The following FRY variants were observed in gnomAD, a reference collection of about 807,000 sequenced individuals.
FRY encodes the protein FRY microtubule binding protein.
FRY carries 128 observed loss-of-function variants against 348.4 expected under a neutral mutation model. The ratio of observed to expected loss-of-function variants is 0.37; its 90% CI spans 0.32 to 0.43. The LOEUF (loss-of-function observed/expected upper bound fraction) is 0.43, where lower values mean the gene tolerates loss of function less well. Among genes scored for constraint, FRY ranks in the 20% least tolerant of loss-of-function variants. The probability of loss-of-function intolerance (pLI) is 1.00; values close to 1 mark genes in which losing one functional copy is unlikely to be tolerated. For synonymous variants in FRY, 1,370 were observed against 1,374.7 expected, an observed-to-expected ratio of 1.00 and a Z score of 0.08; for missense variants, 2,736 against 3,695.2, an observed-to-expected ratio of 0.74 and a Z score of 6.73.
chr13:32,106,859 A>T (rs1877583679), intron 3 of FRY, among the ~76,000 whole-genome samples: 1 of 152,220 alleles, frequency 6.6e-6, no homozygotes, highest in South Asian at 2.1e-4. Flanking sequence ...CCCAAAGTAG[A>T]ACTATTTACA....
At chr13:32,247,291 T>G in intron 47 of FRY, 32 bp from the exon 48 acceptor site, 3 of 1,572,210 alleles carry the variant, frequency 1.9e-6, no homozygotes, top group Non-Finnish European at 2.6e-6. Context: ...AATTAAATTA[T>G]TTTTAACCCT....
intron 7 of FRY, among the ~76,000 whole-genome samples, chr13:32,130,523 G>A (rs1364825369): frequency 6.7e-6 from 1 of 150,272 alleles, no homozygotes; most frequent in Non-Finnish European, 1.5e-5. Context: ...AGCTGTGTCA[G>A]ACTTAGTGGT....
intron 20 of FRY, among the ~76,000 whole-genome samples, chr13:32,176,366 C>T (rs1566112365): frequency 6.6e-6 from 1 of 152,160 alleles, no homozygotes; most frequent in African/African-American, 2.4e-5. Flanking sequence ...TTGCAGAATC[C>T]ATGTTACTGA....
chr13:32,247,769 A>G (rs1184055142), intron 48 of FRY, among the ~76,000 whole-genome samples: 1 of 152,246 alleles, frequency 6.6e-6, no homozygotes, highest in African/African-American at 2.4e-5. Context: ...TGGAACGATC[A>G]TAAGCATTTT....
At chr13:32,280,316 T>G (rs1368783805) in intron 58 of FRY, among the ~76,000 whole-genome samples, 1 of 152,218 alleles carries the variant, frequency 6.6e-6, no homozygotes, top group African/African-American at 2.4e-5. Flanking sequence ...AGTTCAAAAA[T>G]CACAATAAAC....
At position 32,097,027 on chromosome 13, in the gene FRY, A is replaced by C. The variant is rs148282045; in HGVS notation, c.271-4936A>C. On this transcript the variant is annotated intron_variant, in intron 2 of 60. Coordinates refer to ENST00000542859, the MANE Select transcript of FRY (RefSeq NM_023037.3). ...CCTTCATATGTATGCAAAAATGTGT[A>C]AGTGTAAAATACCATGTTTATCAGC... Among the ~76,000 whole-genome samples, 58 of 152,238 alleles carry C rather than the reference A, an allele frequency of 3.8e-4. 2 individuals carry two copies. In the East Asian group the frequency reaches 0.01, roughly 26 times the overall value.
intron 55 of FRY, 58 bp from the exon 56 acceptor site, chr13:32,274,784 T>A: frequency 7.5e-7 from 1 of 1,336,914 alleles, no homozygotes; most frequent in Non-Finnish European, 1.1e-6. Flanking sequence ...CCAAAATATG[T>A]TTTATCATAT....
rs578028770 is a variant in FRY at position 32,179,947 on chromosome 13, A to T, written c.2996+148A>T. ...ACTTCCCACTACATCGTCTTGGTTG[A>T]TGTGCATGTAACAAGCATTCCTTGC... On this transcript the variant is annotated intron_variant, in intron 23 of 60. Coordinates refer to ENST00000542859, the MANE Select transcript of FRY (RefSeq NM_023037.3). 5.1e-6 allele frequency: 4 copies of T among 778,634 alleles called. No homozygotes were observed. In the South Asian group the frequency reaches 6.1e-5, roughly 12 times the overall value. 48.2% of individuals were successfully genotyped at this position (778,634 alleles called of 1,614,324 possible).
At chr13:32,099,924 TA>T (rs1877038345) in intron 2 of FRY, among the ~76,000 whole-genome samples, 1 of 152,022 alleles carries the variant, frequency 6.6e-6, no homozygotes. Flanking sequence ...CTACTGATAT[TA>T]TTTTTGCAGA....
intron 1 of FRY, among the ~76,000 whole-genome samples, chr13:32,047,056 TAGAG>T (rs796253351): frequency 3.3e-5 from 5 of 151,518 alleles, no homozygotes; most frequent in Non-Finnish European, 7.4e-5. Flanking sequence ...TATGTATATA[TAGAG>T]AGAGAGAGAG....
At position 32,261,952 on chromosome 13, in the gene FRY, T is replaced by TA. The variant is rs1353142798; in HGVS notation, c.7617+137dup. 4 of 824,870 alleles carry TA rather than the reference T, an allele frequency of 4.8e-6. No homozygotes were observed. The East Asian group carries it at 1.1e-4, about 22-fold the overall frequency. The allele number at this position is 824,870 out of a possible 1,614,324, so 51.1% of individuals were successfully genotyped here. A position where few individuals can be genotyped will look rare whatever the true frequency, so the allele number is the denominator to read the frequency against. ...AAATCGGAACTGTCAGGTGGTGTCA[T>TA]ACGGGTTCTAGCTGGCAGAGTCTTC... On this transcript the variant is annotated intron_variant, in intron 52 of 60. Transcript: ENST00000542859.
intron 1 of FRY, among the ~76,000 whole-genome samples, chr13:32,051,234 T>A (rs1169062032): frequency 6.6e-6 from 1 of 152,138 alleles, no homozygotes; most frequent in Non-Finnish European, 1.5e-5. Context: ...GGTTTTGTGG[T>A]ATAAGTGGGA....
chr13:32,133,515 T>C (rs1879498747), intron 8 of FRY, among the ~76,000 whole-genome samples: 1 of 152,150 alleles, frequency 6.6e-6, no homozygotes, highest in African/African-American at 2.4e-5. Flanking sequence ...TGCAAAATAA[T>C]GTAGCAAAAG....
At position 32,274,974 on chromosome 13, in the gene FRY, T is replaced by C; in HGVS notation, c.8269T>C (p.Phe2757Leu). ...CTCCTGCTCTGAATGTCCTACACTT[T>C]TTGTGGATGCCGAGACTGTGAGTAT... is the stretch of plus-strand genomic sequence containing the variant. ...LTSCSECPTL[F>L]VDAETLLSCG... is the part of the protein sequence containing the mutation. The change falls in exon 56 of 61, where the codon TTT becomes CTT. Residue 2757 changes from phenylalanine to leucine, a missense_variant. By Grantham distance (22) the Phe-to-Leu change is conservative. This residue lies in a region of FRY where 789 missense variants were observed against 996.2 expected (regional missense o/e 0.79). Transcript: ENST00000542859. 3 of 1,613,926 alleles carry C rather than the reference T, an allele frequency of 1.9e-6. No individual in the cohort carries two copies. Among genetic ancestry groups the C allele is most frequent in the Non-Finnish European group, 2.5e-6 (3 of 1,179,904 alleles).
chr13:32,097,012 T>C (rs1361727846), intron 2 of FRY, among the ~76,000 whole-genome samples: 2 of 152,164 alleles, frequency 1.3e-5, no homozygotes, highest in Non-Finnish European at 2.9e-5. Flanking sequence ...CCTTCATATG[T>C]ATGCAAAAAT....
intron 1 of FRY, among the ~76,000 whole-genome samples, chr13:32,059,974 T>C (rs560510377): frequency 9.4e-4 from 143 of 152,354 alleles, no homozygotes; most frequent in African/African-American, 3.2e-3. Context: ...TCACTTTAAG[T>C]GTTCATTTTG....
At chr13:32,124,998 G>T in intron 7 of FRY, 123 bp downstream of exon 7, 3 of 763,100 alleles carry the variant, frequency 3.9e-6, no homozygotes, top group Non-Finnish European at 7.1e-6. Flanking sequence ...TGCCATGTGT[G>T]CCCCATCTCT....
intron 2 of FRY, among the ~76,000 whole-genome samples, chr13:32,098,073 G>A (rs1373828051): frequency 6.6e-6 from 1 of 152,046 alleles, no homozygotes; most frequent in Non-Finnish European, 1.5e-5. Context: ...AGCACCAAGC[G>A]AAATGCACAT....
At chr13:32,205,001 G>A (rs758852728) in intron 31 of FRY, among the ~76,000 whole-genome samples, 19 of 152,068 alleles carry the variant, frequency 1.2e-4, no homozygotes, top group Non-Finnish European at 2.1e-4. Context: ...CCAGGAGTTC[G>A]AGACCAGCCT....
Sources: allele counts gnomAD v4.1 joint callset (sites outside exome capture counted in the v4.1 genomes callset), GRCh38; gene constraint gnomAD v4.1.1; regional missense constraint gnomAD v4.1.1; transcripts MANE v1.5; gene names NCBI Gene and HGNC (gene_info 2026-07-23, HGNC 2026-07-21).